Variants in SMARCD3 observed in about 807,000 individuals in gnomAD.
SMARCD3 encodes the protein SWI/SNF-related matrix-associated actin-dependent regulator of chromatin subfamily D member 3.
In SMARCD3, 14 loss-of-function variants were observed where a neutral mutation model predicts 58.0. The ratio of observed to expected loss-of-function variants is 0.24; its 90% CI spans 0.16 to 0.38. The LOEUF is 0.38. Among genes scored for constraint, SMARCD3 ranks in the 10% least tolerant of loss-of-function variants. The pLI is 1.00. For missense variants in SMARCD3, 408 were observed against 636.9 expected (o/e 0.64, Z 3.87); for synonymous variants, 253 against 253.8 (o/e 1.00, Z 0.03).
chr7:151,239,628 A>G lies in SMARCD3; in HGVS notation c.1292T>C (p.Leu431Pro). ...QDLLRSQSRD[L>P]KVMTDVAGNP... ...TCCCTGAGTCTCCCTCTTCACCTTG[A>G]GGTCCCGGCTCTGGGAGCGGAGCAG... is the stretch of plus-strand genomic sequence containing the variant. The change falls in exon 11 of 13, where the codon CTC (leucine) becomes CCC (proline). Residue 431 changes from leucine to proline, a missense_variant. Coordinates refer to ENST00000262188, the MANE Select transcript of SMARCD3 (RefSeq NM_001003801.2). This position sits in a 1 kb window ranked among gnomAD's most constrained non-coding sequence, Gnocchi z 7.0. The G allele has an allele frequency of 6.2e-7, 1 of 1,613,994 alleles. No individual in the cohort carries two copies. Among genetic ancestry groups the G allele is most frequent in the Non-Finnish European group, 8.5e-7 (1 of 1,180,002 alleles).
chr7:151,275,828 C>T (rs1795322321), intron 1 of SMARCD3, among the ~76,000 whole-genome samples: 1 of 152,110 alleles, frequency 6.6e-6, no homozygotes, highest in African/African-American at 2.4e-5. Flanking sequence ...GGGTCAGGAC[C>T]CAACTTATGA....
Position 151,241,179 on chromosome 7 carries a change from A to G in SMARCD3, c.939+313T>C, listed in dbSNP as rs1043036501. 1 of 406,770 alleles carries G rather than the reference A, an allele frequency of 2.5e-6. No homozygotes were observed. The highest frequency in any genetic ancestry group is 4.6e-6 in the Non-Finnish European group (1 of 215,286). 25.2% of individuals were successfully genotyped at this position (406,770 alleles called of 1,614,324 possible). On this transcript the variant is annotated intron_variant, in intron 8 of 12. Coordinates refer to ENST00000262188, the MANE Select transcript of SMARCD3 (RefSeq NM_001003801.2). The surrounding 1 kb of genome is among the most constrained non-coding windows in gnomAD (Gnocchi z 5.3). ...AGTCACTTACCCAGAGTCCAGACTCAGGACTAGAACCTGGGGATCCTAACT... is the reference window on the plus strand; with the variant it reads ...AGTCACTTACCCAGAGTCCAGACTCGGGACTAGAACCTGGGGATCCTAACT...
intron 1 of SMARCD3, among the ~76,000 whole-genome samples, chr7:151,275,519 A>G (rs1795315054): frequency 1.3e-5 from 2 of 152,068 alleles, no homozygotes; most frequent in Admixed American, 1.3e-4. Flanking sequence ...CAGAGCAGGG[A>G]CCCCAGGCAG....
intron 2 of SMARCD3, among the ~76,000 whole-genome samples, chr7:151,268,426 C>T (rs1301866075): frequency 6.6e-6 from 1 of 152,162 alleles, no homozygotes; most frequent in African/African-American, 2.4e-5. Flanking sequence ...ACCCTAGGGA[C>T]ACAGCAGTGA....
At chr7:151,263,989 T>A (rs1804000249) in intron 2 of SMARCD3, among the ~76,000 whole-genome samples, 1 of 152,078 alleles carries the variant, frequency 6.6e-6, no homozygotes, top group East Asian at 1.9e-4. Flanking sequence ...TCAGGACCTC[T>A]GCACCTGCCA....
upstream of SMARCD3, among the ~76,000 whole-genome samples, chr7:151,253,328 C>G (rs1803589355): frequency 6.6e-6 from 1 of 152,158 alleles, no homozygotes; most frequent in Admixed American, 6.5e-5. Context: ...CAGAGTAGCT[C>G]TCTCTGGGTG....
At chr7:151,262,103 T>C (rs886427694) in intron 2 of SMARCD3, among the ~76,000 whole-genome samples, 2 of 152,102 alleles carry the variant, frequency 1.3e-5, no homozygotes, top group African/African-American at 4.8e-5. Context: ...TTTTTTTTTT[T>C]TTGAGACAGG....
rs774197115 is a variant in SMARCD3, at chr7:151,248,626, C to CT, written c.-65dup. 0.018 allele frequency: 29,283 copies of CT among 1,584,294 alleles called. 269 individuals are homozygous for CT. Among genetic ancestry groups the CT allele is most frequent in the Non-Finnish European group, 0.023 (26,099 of 1,159,920 alleles). ...CTTCCTCTTTCTTTCCCTTTTCTGC[C>CT]TTTTTTTTTCCTCCAACTCTCCCCT... On this transcript the variant is annotated 5_prime_UTR_variant, in exon 1 of 13. Coordinates refer to ENST00000262188, the MANE Select transcript of SMARCD3 (RefSeq NM_001003801.2). The surrounding 1 kb of genome is among the most constrained non-coding windows in gnomAD (Gnocchi z 6.1).
chr7:151,263,723 G>C lies in SMARCD3; in HGVS notation c.39+11391C>G, dbSNP rs548969105. ...TTTTTTCTGTCATCACCCTGGACCA[G>C]GCCGGCACCATCTTTCTTCTGCACT... is the stretch of plus-strand genomic sequence containing the variant. On this transcript the variant is annotated intron_variant, in intron 2 of 13. Transcript: ENST00000356800. 1.7e-3 allele frequency among the ~76,000 whole-genome samples: 266 copies of C among 152,282 alleles called. 2 individuals carry two copies. Among genetic ancestry groups the C allele is most frequent in the African/African-American group, 6.1e-3 (254 of 41,558 alleles).
Position 151,238,829 on chromosome 7 carries a change from T to G in SMARCD3, c.*274A>C. The G allele has an allele frequency of 1.3e-6, 2 of 1,524,442 alleles. No individual in the cohort carries two copies. The highest frequency in any genetic ancestry group is 1.8e-6 in the Non-Finnish European group (2 of 1,135,534). The allele number at this position is 1,524,442 out of a possible 1,614,324, so 94.4% of individuals were successfully genotyped here. On this transcript the variant is annotated 3_prime_UTR_variant, in exon 13 of 13. Coordinates refer to ENST00000262188, the MANE Select transcript of SMARCD3 (RefSeq NM_001003801.2). ...AAACATGTCTTCTGCCAAACTGTTT[T>G]TAGGTCTAGGGAAAATTGAGTAAGG...
At chr7:151,273,393 G>A (rs1283534237) in intron 2 of SMARCD3, among the ~76,000 whole-genome samples, 9 of 152,144 alleles carry the variant, frequency 5.9e-5, no homozygotes, top group Admixed American at 3.3e-4. Context: ...AGGGCCTAAC[G>A]AAGGGCATGT....
At chr7:151,251,029 C>T (rs1379350501), upstream of SMARCD3, among the ~76,000 whole-genome samples, 10 of 152,104 alleles carry the variant, frequency 6.6e-5, no homozygotes, top group African/African-American at 2.4e-4. Context: ...TCAGTGTTCT[C>T]AACTATTGGA....
In SMARCD3 at chr7:151,242,668, C is replaced by A; in HGVS notation, c.456+53G>T. On this transcript the variant is annotated intron_variant, in intron 4 of 12. Transcript: ENST00000262188. This position sits in a 1 kb window ranked among gnomAD's most constrained non-coding sequence, Gnocchi z 4.7. ...CTCCCACCCCGACCACCCTGCTTCC[C>A]CATCCTGGTCACACAACTCTAGAGT... 1 of 1,612,952 alleles carries A rather than the reference C, an allele frequency of 6.2e-7. No individual in the cohort carries two copies.
At chr7:151,251,456 G>C (rs1318584775), upstream of SMARCD3, among the ~76,000 whole-genome samples, 1 of 152,182 alleles carries the variant, frequency 6.6e-6, no homozygotes, top group Non-Finnish European at 1.5e-5. Context: ...ACACATTTGC[G>C]TACTGCTTTT....
intron 2 of SMARCD3, among the ~76,000 whole-genome samples, chr7:151,253,727 G>T (rs1170324740): frequency 6.6e-6 from 1 of 152,194 alleles, no homozygotes; most frequent in East Asian, 1.9e-4. Context: ...TGCCACACAG[G>T]CCTGGTCCCC....
chr7:151,242,325 C>A lies in SMARCD3; in HGVS notation c.580-93G>T. The A allele has an allele frequency of 7.1e-7, 1 of 1,401,616 alleles. No homozygotes were observed. The highest frequency in any genetic ancestry group is 1.0e-6 in the Non-Finnish European group (1 of 990,996). The allele number at this position is 1,401,616 out of a possible 1,614,324, so 86.8% of individuals were successfully genotyped here. A position where few individuals can be genotyped will look rare whatever the true frequency, so the allele number is the denominator to read the frequency against. The stretch of plus-strand genomic sequence containing the variant: ...AGTTGGCAGCCGACAGGGCAGTGGG[C>A]TTAGATGAAATCCTCTGCACTTGGA... On this transcript the variant is annotated intron_variant, in intron 5 of 12. Transcript: ENST00000262188. This position sits in a 1 kb window ranked among gnomAD's most constrained non-coding sequence, Gnocchi z 4.7.
At chr7:151,251,959 G>A (rs1176290944), upstream of SMARCD3, among the ~76,000 whole-genome samples, 2 of 149,032 alleles carry the variant, frequency 1.3e-5, no homozygotes, top group Non-Finnish European at 3.0e-5. Context: ...CGCCCGCGCC[G>A]GTCCCCGGCC....
Position 151,257,271 on chromosome 7 carries a change from C to T in SMARCD3, c.40-11600G>A, listed in dbSNP as rs2150605687. ...ACAAAACTTCTGAAAAGAGTTGTCT[C>T]ATTTGTGCTCCTCCATTCTCCCTGA... On this transcript the variant is annotated intron_variant, in intron 2 of 13. Coordinates refer to the SMARCD3 transcript ENST00000356800. Among the ~76,000 whole-genome samples the T allele has an allele frequency of 2.0e-5, 3 of 152,298 alleles. No individual in the cohort carries two copies. The Middle Eastern group carries it at 0.01, about 518-fold the overall frequency.
chr7:151,263,536 T>A (rs1336824473), intron 2 of SMARCD3, among the ~76,000 whole-genome samples: 1 of 152,200 alleles, frequency 6.6e-6, no homozygotes, highest in African/African-American at 2.4e-5. Flanking sequence ...TTTCAAGCCA[T>A]CCAATTCCCT....
Sources: gnomAD v4.1 joint callset for allele counts (sites outside exome capture counted in the v4.1 genomes callset) on GRCh38, gnomAD v4.1.1 for gene constraint, Gnocchi (gnomAD v3.1) non-coding constraint, MANE v1.5 for transcripts, NCBI Gene and HGNC (gene_info 2026-07-23, HGNC 2026-07-21) for gene names.